The following FRAS1 variants were observed in gnomAD, a reference collection of about 807,000 sequenced individuals.
The protein encoded by FRAS1 is Fraser extracellular matrix complex subunit 1.
FRAS1 carries 290 observed loss-of-function variants against 435.2 expected under a neutral mutation model. That is an observed-to-expected ratio of 0.67 (90% CI 0.61 to 0.73). The LOEUF (loss-of-function observed/expected upper bound fraction) is 0.73. Ranked by LOEUF, FRAS1 falls within the 30% of genes least tolerant of loss-of-function variation. FRAS1 has a pLI of 0.00. For missense variants in FRAS1, 4,860 were observed against 5,001.5 expected, an observed-to-expected ratio of 0.97 and a Z score of 0.85; for synonymous variants, 1,800 against 1,851.0, an observed-to-expected ratio of 0.97 and a Z score of 0.71.
chr4:78,523,673 TA>T (rs1444549356), intron 69 of FRAS1, among the ~76,000 whole-genome samples: 1 of 152,224 alleles, frequency 6.6e-6, no homozygotes, highest in Non-Finnish European at 1.5e-5. Context: ...TTTTTGATCT[TA>T]TATCAGATAT....
chr4:78,459,368 G>A (rs2109842223), intron 47 of FRAS1, among the ~76,000 whole-genome samples: 1 of 152,298 alleles, frequency 6.6e-6, no homozygotes, highest in East Asian at 1.9e-4. Flanking sequence ...ATGTGTTTCA[G>A]TAGCCAGGTA....
At chr4:78,207,338 AC>A in intron 2 of FRAS1, among the ~76,000 whole-genome samples, 2 of 152,330 alleles carry the variant, frequency 1.3e-5, no homozygotes, top group Middle Eastern at 6.8e-3. Context: ...CTAAATTAGA[AC>A]CTGTGATTAC....
chr4:78,541,220 A>G lies in FRAS1; in HGVS notation c.*96A>G. 1.3e-6 allele frequency: 1 copy of G among 759,922 alleles called. No individual in the cohort carries two copies. Among genetic ancestry groups the G allele is most frequent in the African/African-American group, 1.8e-5 (1 of 55,904 alleles). 47.1% of individuals were successfully genotyped at this position (759,922 alleles called of 1,614,324 possible). A position where few individuals can be genotyped will look rare whatever the true frequency, so the allele number is the denominator to read the frequency against. ...TAATCTCGCAGATAAAAAAGGGAAA[A>G]CTATAGCTTTGAGTGGCAGACAGCA... is the stretch of plus-strand genomic sequence containing the variant. On this transcript the variant is annotated 3_prime_UTR_variant, in exon 74 of 74. Transcript: ENST00000512123.
At chr4:78,429,298 T>C (rs1734122185) in intron 36 of FRAS1, 72 bp downstream of exon 36, 4 of 1,494,804 alleles carry the variant, frequency 2.7e-6, no homozygotes, top group African/African-American at 1.4e-5. Flanking sequence ...TTCAAACCTC[T>C]TGATGGTTGC....
intron 2 of FRAS1, among the ~76,000 whole-genome samples, chr4:78,174,226 G>A (rs1221388490): frequency 6.6e-6 from 1 of 152,186 alleles, no homozygotes; most frequent in East Asian, 1.9e-4. Context: ...GTTGGCTCAT[G>A]TTCTTGACTA....
intron 14 of FRAS1, among the ~76,000 whole-genome samples, chr4:78,292,499 C>T (rs1176819489): frequency 6.6e-6 from 1 of 152,098 alleles, no homozygotes; most frequent in Non-Finnish European, 1.5e-5. Context: ...TTTGTTGGAA[C>T]GATGGTTGAC....
intron 42 of FRAS1, chr4:78,446,479 G>T (rs1718834077): frequency 1.6e-6 from 2 of 1,288,818 alleles, no homozygotes; most frequent in East Asian, 3.7e-5. Flanking sequence ...TATGGTCATT[G>T]TACTTACGGA....
intron 3 of FRAS1, among the ~76,000 whole-genome samples, chr4:78,243,406 C>T (rs1343529217): frequency 6.6e-6 from 1 of 152,056 alleles, no homozygotes; most frequent in Non-Finnish European, 1.5e-5. Flanking sequence ...GCCCCTGCAA[C>T]CACTTTCTAA....
At chr4:78,378,241 G>T (rs1276693486) in intron 26 of FRAS1, among the ~76,000 whole-genome samples, 2 of 152,108 alleles carry the variant, frequency 1.3e-5, no homozygotes, top group Admixed American at 1.3e-4. Flanking sequence ...ATGATATCAT[G>T]AATCAGCACA....
chr4:78,434,521 A>G (rs1009723651), intron 38 of FRAS1, among the ~76,000 whole-genome samples: 1 of 152,182 alleles, frequency 6.6e-6, no homozygotes, highest in African/African-American at 2.4e-5. Flanking sequence ...GCCAAAAATA[A>G]AATTATTTGA....
chr4:78,484,841 G>T (rs1406849245), intron 58 of FRAS1, among the ~76,000 whole-genome samples: 1 of 152,124 alleles, frequency 6.6e-6, no homozygotes, highest in African/African-American at 2.4e-5. Context: ...ATGCATTCTA[G>T]GACTTTTGAC....
At chr4:78,518,176 T>C (rs896883457) in intron 66 of FRAS1, among the ~76,000 whole-genome samples, 3 of 151,888 alleles carry the variant, frequency 2.0e-5, no homozygotes, top group African/African-American at 4.8e-5. Flanking sequence ...AAATGGAATT[T>C]TTCAATGAGT....
At chr4:78,419,828 A>C (rs1733702217) in intron 33 of FRAS1, among the ~76,000 whole-genome samples, 1 of 152,174 alleles carries the variant, frequency 6.6e-6, no homozygotes, top group African/African-American at 2.4e-5. Flanking sequence ...TTACATGGCC[A>C]GAGCAGGAGG....
At chr4:78,180,476 G>A (rs901574408) in intron 2 of FRAS1, among the ~76,000 whole-genome samples, 3 of 152,102 alleles carry the variant, frequency 2.0e-5, no homozygotes, top group Admixed American at 1.3e-4. Context: ...GTTTGTAATT[G>A]GGGGAACTTC....
intron 33 of FRAS1, 52 bp from the exon 34 acceptor site, chr4:78,421,811 A>T: frequency 1.3e-6 from 2 of 1,595,176 alleles, no homozygotes; most frequent in South Asian, 2.2e-5. Context: ...CTAGTCATTC[A>T]GTCAGTGATG....
intron 30 of FRAS1, 84 bp downstream of exon 30, chr4:78,400,971 T>C: frequency 1.5e-6 from 2 of 1,296,076 alleles, no homozygotes; most frequent in East Asian, 4.8e-5. Context: ...TGTGGCAAGA[T>C]TGCAATTCCA....
intron 2 of FRAS1, among the ~76,000 whole-genome samples, chr4:78,070,020 C>G (rs78860154): frequency 0.11 from 17,355 of 151,986 alleles, 1,064 homozygotes; most frequent in Middle Eastern, 0.18. Context: ...CACCCCCTCC[C>G]TGCCGCAACT....
At chr4:78,342,813 G>A (rs1180147681) in intron 20 of FRAS1, among the ~76,000 whole-genome samples, 1 of 152,144 alleles carries the variant, frequency 6.6e-6, no homozygotes, top group Non-Finnish European at 1.5e-5. Flanking sequence ...ATAATATCAA[G>A]GGTAATATTG....
intron 15 of FRAS1, among the ~76,000 whole-genome samples, chr4:78,309,721 G>A (rs1728940783): frequency 6.6e-6 from 1 of 151,292 alleles, no homozygotes; most frequent in Admixed American, 6.6e-5. Flanking sequence ...ACCTTCTTCT[G>A]TGTCTTCTGT....
Sources: allele counts gnomAD v4.1 joint callset (sites outside exome capture counted in the v4.1 genomes callset), GRCh38; gene constraint gnomAD v4.1.1; transcripts MANE v1.5; gene names NCBI Gene and HGNC (gene_info 2026-07-23, HGNC 2026-07-21).